The following LDB3 variants were observed in gnomAD, a reference collection of about 807,000 sequenced individuals.
The protein encoded by LDB3 is LIM domain-binding protein 3.
In LDB3, 49 loss-of-function variants were observed where a neutral mutation model predicts 69.0. The observed-to-expected ratio is 0.71, with a 90% CI of 0.56 to 0.90. LDB3 has a LOEUF of 0.90. Ranked by LOEUF, LDB3 falls within the 40% of genes least tolerant of loss-of-function variation. LDB3 has a pLI of 0.00. For missense variants in LDB3, 928 were observed against 974.1 expected, an observed-to-expected ratio of 0.95 and a Z score of 0.63; for synonymous variants, 387 against 396.2, an observed-to-expected ratio of 0.98 and a Z score of 0.28.
chr10:86,712,221 C>T (rs78094998), intron 9 of LDB3, among the ~76,000 whole-genome samples: 45 of 152,194 alleles, frequency 3.0e-4, no homozygotes, highest in African/African-American at 9.6e-4. Context: ...GCAAGGAAGC[C>T]GTCAAATCGG....
chr10:86,716,232 A>G, intron 9 of LDB3, 95 bp from the exon 10 acceptor site: 1 of 1,430,588 alleles, frequency 7.0e-7, no homozygotes, highest in Admixed American at 1.7e-5. Flanking sequence ...CTAATGTTAA[A>G]GTCACCTTTT....
In LDB3 at chr10:86,716,658, C is replaced by T. The variant is rs1846888210; in HGVS notation, c.1563C>T (p.Tyr521=). ...CCCTGCCCCGGGGAGGCCCAGCCTA[C>T]ACCCCAGCGGGTCCTCAGGTGCCAC... The part of the protein sequence containing the change: ...KQTLPRGGPA[Y]TPAGPQVPPL... Residue 521 remains tyrosine (Y), a synonymous_variant, in exon 10 of 14, where the codon TAC becomes TAT. Transcript: ENST00000361373. 5 of 1,614,032 alleles carry T rather than the reference C, an allele frequency of 3.1e-6. 1 individual carries two copies. Among genetic ancestry groups the T allele is most frequent in the South Asian group, 1.1e-5 (1 of 91,080 alleles).
Position 86,705,268 on chromosome 10 carries a change from T to A in LDB3, c.897-1263T>A, listed in dbSNP as rs111232967. ...AATTCTCTTTGTTACCATTTCCTCA[T>A]CTATTAAATAAGAGTCCATGATACC... On this transcript the variant is annotated intron_variant, in intron 7 of 13. Coordinates refer to ENST00000361373, the MANE Select transcript of LDB3 (RefSeq NM_007078.3). Among the ~76,000 whole-genome samples, 702 of 152,294 alleles carry A rather than the reference T, an allele frequency of 4.6e-3. 3 individuals carry two copies. The highest frequency in any genetic ancestry group is 0.01 in the Middle Eastern group (3 of 294).
intron 4 of LDB3, 22 bp from the exon 5 acceptor site, chr10:86,681,414 T>C (rs1457774621): frequency 1.3e-6 from 2 of 1,599,456 alleles, no homozygotes; most frequent in South Asian, 1.1e-5. Context: ...CTCTCTCCCC[T>C]GCATGGCCTG....
chr10:86,681,320 T>C (rs1780780184), intron 4 of LDB3, 116 bp from the exon 5 acceptor site: 6 of 1,498,020 alleles, frequency 4.0e-6, no homozygotes, highest in Non-Finnish European at 5.5e-6. Flanking sequence ...GCTCTGGGCT[T>C]CAGGCTGCGG....
intron 7 of LDB3, among the ~76,000 whole-genome samples, chr10:86,697,678 C>A (rs1291128297): frequency 1.3e-5 from 2 of 150,788 alleles, no homozygotes; most frequent in African/African-American, 4.9e-5. Flanking sequence ...CTCAGCCTCC[C>A]GAGTAGCTGG....
chr10:86,710,201 G>A, intron 9 of LDB3, 151 bp downstream of exon 9: 1 of 1,520,478 alleles, frequency 6.6e-7, no homozygotes, highest in Non-Finnish European at 8.8e-7. Flanking sequence ...CCCTAGCTGT[G>A]GGTCAGAATC....
chr10:86,719,164 G>A (rs896290876), intron 12 of LDB3, among the ~76,000 whole-genome samples: 5 of 152,200 alleles, frequency 3.3e-5, no homozygotes, highest in Admixed American at 2.0e-4. Flanking sequence ...TTGGGAGGCC[G>A]AGACAGAAGA....
intron 5 of LDB3, among the ~76,000 whole-genome samples, chr10:86,685,491 AG>A (rs747704034): frequency 6.4e-4 from 97 of 152,160 alleles, no homozygotes; most frequent in Non-Finnish European, 1.1e-3. Context: ...AACCAAACCG[AG>A]GGTCCCAGTA....
intron 5 of LDB3, among the ~76,000 whole-genome samples, chr10:86,683,499 C>T (rs1845276810): frequency 6.6e-6 from 1 of 152,218 alleles, no homozygotes; most frequent in Non-Finnish European, 1.5e-5. Flanking sequence ...AAGTGAGGGG[C>T]CAGGCCCACC....
chr10:86,679,939 GT>G, intron 3 of LDB3, 142 bp from the exon 4 acceptor site: 3 of 759,542 alleles, frequency 3.9e-6, no homozygotes, highest in Non-Finnish European at 7.0e-6. Context: ...GGGGTGGACA[GT>G]GGATCTGGGG....
rs1252944678 is a variant in LDB3 at position 86,684,363 on chromosome 10, AAAG to A, written c.689+2564_689+2566del. On this transcript the variant is annotated intron_variant, in intron 5 of 13. Transcript: ENST00000361373. Reference sequence around the variant, plus strand: ...TGAGCAGGAGGCAGGAATAAATGTCAAAGAAGGAGCAGGCTGCCAAGGGAGGGC... The same window carrying A: ...TGAGCAGGAGGCAGGAATAAATGTCAAAGGAGCAGGCTGCCAAGGGAGGGC... 3.3e-5 allele frequency among the ~76,000 whole-genome samples: 5 copies of A among 152,340 alleles called. No individual in the cohort carries two copies. The East Asian group carries it at 9.7e-4, about 29-fold the overall frequency.
At chr10:86,707,162 T>C (rs1846476871) in intron 8 of LDB3, among the ~76,000 whole-genome samples, 1 of 152,000 alleles carries the variant, frequency 6.6e-6, no homozygotes, top group African/African-American at 2.4e-5. Context: ...GAAGGCTCCA[T>C]GGAGGAGGCA....
intron 5 of LDB3, among the ~76,000 whole-genome samples, chr10:86,683,457 C>T (rs1478524990): frequency 1.3e-5 from 2 of 152,268 alleles, no homozygotes; most frequent in Non-Finnish European, 2.9e-5. Context: ...CTCCACTTTG[C>T]ATTGAGACAG....
rs1453002185 is a variant in LDB3 at position 86,699,153 on chromosome 10, C to CACCTGTTAG, written c.896+6585_896+6593dup. On this transcript the variant is annotated intron_variant, in intron 7 of 13. Transcript: ENST00000361373. The surrounding 1 kb of genome is among the most constrained non-coding windows in gnomAD (Gnocchi z 4.9). Reference sequence around the variant, plus strand: ...TCCCTCCCTCCCATGCCCTCTGCCCCACCTGTTAGACAGGGGAATGGTGAA... The same window carrying CACCTGTTAG: ...TCCCTCCCTCCCATGCCCTCTGCCCCACCTGTTAGACCTGTTAGACAGGGGAATGGTGAA... 4.2e-6 allele frequency: 5 copies of CACCTGTTAG among 1,183,076 alleles called. No homozygotes were observed. The highest frequency in any genetic ancestry group is 5.0e-6 in the Non-Finnish European group (4 of 801,106). 73.3% of individuals were successfully genotyped at this position (1,183,076 alleles called of 1,614,324 possible). A position where few individuals can be genotyped will look rare whatever the true frequency, so the allele number is the denominator to read the frequency against.
intron 12 of LDB3, among the ~76,000 whole-genome samples, chr10:86,723,993 CCAGT>C (rs1227871445): frequency 2.0e-5 from 3 of 152,182 alleles, no homozygotes; most frequent in Non-Finnish European, 4.4e-5. Context: ...TGGAACCTCT[CCAGT>C]CAGTTTCCTC....
intron 12 of LDB3, 57 bp from the exon 13 acceptor site, chr10:86,726,080 T>C: frequency 7.7e-7 from 1 of 1,306,508 alleles, no homozygotes; most frequent in South Asian, 1.2e-5. Flanking sequence ...TTGTCTTGGC[T>C]TTGGGTCCCC....
At chr10:86,682,251 C>A (rs936173353) in intron 5 of LDB3, among the ~76,000 whole-genome samples, 24 of 152,180 alleles carry the variant, frequency 1.6e-4, no homozygotes, top group Middle Eastern at 3.4e-3. Context: ...GGTGGAAAAG[C>A]GAGTTATCTG....
At chr10:86,704,823 C>T (rs894802560) in intron 7 of LDB3, among the ~76,000 whole-genome samples, 1 of 151,928 alleles carries the variant, frequency 6.6e-6, no homozygotes, top group Non-Finnish European at 1.5e-5. Context: ...ACCTCGTGAT[C>T]CGCCCACCTC....
Sources: allele counts gnomAD v4.1 joint callset (sites outside exome capture counted in the v4.1 genomes callset), GRCh38; gene constraint gnomAD v4.1.1; non-coding constraint Gnocchi (gnomAD v3.1); transcripts MANE v1.5; gene names NCBI Gene and HGNC (gene_info 2026-07-23, HGNC 2026-07-21).